PGAP1: variants seen among roughly 807,000 people sequenced by gnomAD.
PGAP1 encodes post-GPI attachment to proteins inositol deacylase 1, also known as GPI inositol-deacylase.
Under a neutral mutation model 127.0 loss-of-function variants are expected in PGAP1, and 76 were observed. That is an observed-to-expected ratio of 0.60 (90% CI 0.50 to 0.72). The LOEUF is 0.72. PGAP1 is among the 30% of genes least tolerant of loss of function. PGAP1 has a pLI of 0.00. For synonymous variants in PGAP1, 362 were observed against 366.5 expected (o/e 0.99, Z 0.14); for missense variants, 982 against 1,071.3 (o/e 0.92, Z 1.16).
intron 20 of PGAP1, among the ~76,000 whole-genome samples, chr2:196,861,007 A>C (rs1169186426): frequency 6.6e-6 from 1 of 152,216 alleles, no homozygotes; most frequent in Non-Finnish European, 1.5e-5. Context: ...CCAATAGAAC[A>C]TAATAGAGAA....
At chr2:196,861,284 G>C (rs572019912) in intron 20 of PGAP1, among the ~76,000 whole-genome samples, 2 of 152,086 alleles carry the variant, frequency 1.3e-5, no homozygotes, top group Non-Finnish European at 2.9e-5. Context: ...AATTTTTTGG[G>C]TAAGACCTCA....
chr2:196,880,927 T>G (rs1315004856), intron 12 of PGAP1, among the ~76,000 whole-genome samples: 1 of 152,178 alleles, frequency 6.6e-6, no homozygotes, highest in Admixed American at 6.5e-5. Context: ...CAGGTAAACT[T>G]GTGTCATGGG....
intron 9 of PGAP1, 37 bp from the exon 10 acceptor site, chr2:196,890,948 T>C (rs762090109): frequency 4.8e-6 from 5 of 1,038,746 alleles, no homozygotes; most frequent in Admixed American, 1.9e-5. Flanking sequence ...ATAGCTGTAA[T>C]GAGCAGATTA....
intron 25 of PGAP1, among the ~76,000 whole-genome samples, chr2:196,843,352 AAAG>A (rs776185200): frequency 1.5e-4 from 23 of 152,192 alleles, no homozygotes; most frequent in Admixed American, 1.5e-3. Flanking sequence ...AACAGATATA[AAAG>A]AAGGATATTA....
Position 196,873,707 on chromosome 2 carries a change from A to T in PGAP1, c.1478T>A (p.Leu493Gln). 1 of 1,611,916 alleles carries T rather than the reference A, an allele frequency of 6.2e-7. No homozygotes were observed. ...TACCTGTCCAAAGTTCAGAAGCTCT[A>T]GATTGTAGTATAGGCCATTTGTATT... ...VLNTNGLYYN[L>Q]ELLNFGQIYQ... The change falls in exon 15 of 27, where the codon CTA (leucine) becomes CAA (glutamine). Residue 493 changes from leucine (L) to glutamine (Q), a missense_variant. Coordinates refer to ENST00000354764, the MANE Select transcript of PGAP1 (RefSeq NM_024989.4).
At chr2:196,926,365 G>A (rs1703360270) in intron 1 of PGAP1, 105 bp downstream of exon 1, 3 of 1,541,310 alleles carry the variant, frequency 1.9e-6, no homozygotes, top group Non-Finnish European at 2.6e-6. Context: ...GGGACAGGGG[G>A]CCCGAGAGGC....
At position 196,916,451 on chromosome 2, in the gene PGAP1, A is replaced by C; in HGVS notation, c.444T>G (p.His148Gln). Residue 148 changes from histidine to glutamine, a missense_variant, in exon 3 of 27, where the codon CAT becomes CAG. Coordinates refer to ENST00000354764, the MANE Select transcript of PGAP1 (RefSeq NM_024989.4). ...GTTTGAGAATTGTTTTAATACATTC[A>C]TGTACAAACTTGGTCTGCTTCTGAA... ...GSLQKQTKFV[H>Q]ECIKTILKLY... is the part of the protein sequence containing the mutation. The C allele has an allele frequency of 1.2e-6, 2 of 1,612,898 alleles. No homozygotes were observed. Among genetic ancestry groups the C allele is most frequent in the Non-Finnish European group, 1.7e-6 (2 of 1,179,526 alleles).
In PGAP1 at chr2:196,885,468, C is replaced by T. The variant is rs1363029344; in HGVS notation, c.1228G>A (p.Gly410Arg). 5.0e-6 allele frequency: 8 copies of T among 1,597,022 alleles called. No individual in the cohort carries two copies. The Admixed American group carries it at 1.4e-4, about 27-fold the overall frequency. Residue 410 changes from glycine (G) to arginine (R), a missense_variant, in exon 12 of 27, where the codon GGG becomes AGG. Transcript: ENST00000354764. Reference sequence around the variant, plus strand: ...TCAGCTTTCCATGATAAATCAACCCCTTGCAGGCTTTGAAATAAATATGAA... The same window carrying T: ...TCAGCTTTCCATGATAAATCAACCCTTTGCAGGCTTTGAAATAAATATGAA... ...CINSTSMCLQ[G>R]VDLSWKAELL...
chr2:196,923,280 T>C (rs1381118588), intron 1 of PGAP1, among the ~76,000 whole-genome samples: 2 of 152,228 alleles, frequency 1.3e-5, no homozygotes, highest in Non-Finnish European at 2.9e-5. Context: ...ATTACCACCT[T>C]CACATATACT....
intron 12 of PGAP1, among the ~76,000 whole-genome samples, chr2:196,883,519 G>C (rs2125810263): frequency 6.6e-6 from 1 of 152,320 alleles, no homozygotes; most frequent in Non-Finnish European, 1.5e-5. Flanking sequence ...ACAAATGGTA[G>C]CTAATATGAA....
At chr2:196,897,065 T>C in intron 7 of PGAP1, 66 bp downstream of exon 7, 1 of 882,198 alleles carries the variant, frequency 1.1e-6, no homozygotes, top group South Asian at 1.7e-5. Context: ...AAATCCATCA[T>C]GGCTGTAAAT....
intron 20 of PGAP1, among the ~76,000 whole-genome samples, chr2:196,860,453 C>T (rs1257839666): frequency 6.6e-6 from 1 of 151,962 alleles, no homozygotes; most frequent in Non-Finnish European, 1.5e-5. Flanking sequence ...AGAATCACTT[C>T]AACCTGGGAG....
Position 196,865,072 on chromosome 2 carries a change from TCTAA to T in PGAP1, c.1772_1775del (p.Val591AspfsTer33). On this transcript the variant is annotated frameshift_variant, in exon 20 of 27. Transcript: ENST00000354764. LOFTEE classifies it high-confidence loss of function. ...AAGCAGGAAGAGCTCCACCATGAAA[TCTAA>T]CTACCTAAAAAACAGGTAAGTCAAT... 6.5e-7 allele frequency: 1 copy of T among 1,550,268 alleles called. No individual in the cohort carries two copies. Among genetic ancestry groups the T allele is most frequent in the Non-Finnish European group, 8.7e-7 (1 of 1,154,388 alleles).
intron 1 of PGAP1, 148 bp from the exon 2 acceptor site, chr2:196,920,298 GT>G (rs1703146327): frequency 3.1e-6 from 2 of 650,764 alleles, no homozygotes; most frequent in Non-Finnish European, 5.0e-6. Context: ...CACAAAACAA[GT>G]TCTACTTGTA....
chr2:196,858,634 A>C (rs1700967446), intron 20 of PGAP1, among the ~76,000 whole-genome samples: 1 of 152,166 alleles, frequency 6.6e-6, no homozygotes, highest in Admixed American at 6.5e-5. Context: ...GAAAAGCAAG[A>C]ACAAATGAAA....
At chr2:196,897,763 T>TACTTGG (rs1702334984) in intron 6 of PGAP1, among the ~76,000 whole-genome samples, 2 of 152,228 alleles carry the variant, frequency 1.3e-5, no homozygotes, top group South Asian at 4.1e-4. Flanking sequence ...GTATTTGATA[T>TACTTGG]TAGCTTCATT....
In PGAP1 at chr2:196,843,914, A is replaced by G; in HGVS notation, c.2499T>C (p.Ser833=). 1 of 1,530,238 alleles carries G rather than the reference A, an allele frequency of 6.5e-7. No homozygotes were observed. The highest frequency in any genetic ancestry group is 1.3e-5 in the South Asian group (1 of 76,808). 94.8% of individuals were successfully genotyped at this position (1,530,238 alleles called of 1,614,324 possible). Residue 833 remains serine (S), a synonymous_variant, in exon 25 of 27, where the codon TCT becomes TCC. Coordinates refer to ENST00000354764, the MANE Select transcript of PGAP1 (RefSeq NM_024989.4). The part of the protein sequence containing the change: ...LTWIVLLSMP[S]LIYWLKNLRY... ...TAAGATTCTTTAGCCAATAAATTAG[A>G]GAAGGCATGCTGAGTAATACAATCC...
intron 22 of PGAP1, among the ~76,000 whole-genome samples, 173 bp from the exon 23 acceptor site, chr2:196,846,190 T>C (rs1700551162): frequency 6.6e-6 from 1 of 152,186 alleles, no homozygotes; most frequent in Admixed American, 6.5e-5. Context: ...TATTTGATTT[T>C]AAGTTCTGTA....
chr2:196,919,072 G>C (rs1299714293), intron 2 of PGAP1, among the ~76,000 whole-genome samples: 1 of 151,998 alleles, frequency 6.6e-6, no homozygotes, highest in Non-Finnish European at 1.5e-5. Flanking sequence ...CCTCAGTCAA[G>C]CATCTCCTCA....
Sources: allele counts gnomAD v4.1 joint callset (sites outside exome capture counted in the v4.1 genomes callset), GRCh38; gene constraint gnomAD v4.1.1; transcripts MANE v1.5; gene names NCBI Gene and HGNC (gene_info 2026-07-23, HGNC 2026-07-21).